The following SLC6A11 variants were observed in gnomAD, a reference collection of about 807,000 sequenced individuals.
The protein encoded by SLC6A11 is solute carrier family 6 member 11, also known as sodium- and chloride-dependent GABA transporter 3.
In SLC6A11, 25 loss-of-function variants were observed where a neutral mutation model predicts 74.8. The ratio of observed to expected loss-of-function variants is 0.33; its 90% CI spans 0.24 to 0.47. The LOEUF (loss-of-function observed/expected upper bound fraction) is 0.47. Among genes scored for constraint, SLC6A11 ranks in the 20% least tolerant of loss-of-function variants. The pLI, the probability that SLC6A11 is intolerant of heterozygous loss-of-function variation, is 1.00. For synonymous variants in SLC6A11, 330 were observed against 330.2 expected, an observed-to-expected ratio of 1.00 and a Z score of 0.01; for missense variants, 574 against 837.0, an observed-to-expected ratio of 0.69 and a Z score of 3.88.
At chr3:10,906,908 A>G (rs1429771847) in intron 6 of SLC6A11, among the ~76,000 whole-genome samples, 1 of 152,232 alleles carries the variant, frequency 6.6e-6, no homozygotes, top group African/African-American at 2.4e-5. Context: ...TCTATCCTGG[A>G]CCACTCTCAT....
chr3:10,848,640 C>G (rs1158481171), intron 5 of SLC6A11, among the ~76,000 whole-genome samples: 1 of 152,096 alleles, frequency 6.6e-6, no homozygotes, highest in Non-Finnish European at 1.5e-5. Flanking sequence ...TGGGAGGTGC[C>G]GGGGATACAC....
At chr3:10,848,605 A>G (rs1694534508) in intron 5 of SLC6A11, among the ~76,000 whole-genome samples, 1 of 152,200 alleles carries the variant, frequency 6.6e-6, no homozygotes, top group Admixed American at 6.5e-5. Context: ...GAAATCAGTG[A>G]ATTCCCCCTG....
At chr3:10,822,436 C>T (rs1326126996) in intron 3 of SLC6A11, among the ~76,000 whole-genome samples, 1 of 152,308 alleles carries the variant, frequency 6.6e-6, no homozygotes, top group Middle Eastern at 3.4e-3. Context: ...ACAGTTCTAT[C>T]CACGCTGGCC....
At chr3:10,819,384 G>A in intron 1 of SLC6A11, 81 bp from the exon 2 acceptor site, 3 of 1,375,364 alleles carry the variant, frequency 2.2e-6, no homozygotes, top group Non-Finnish European at 3.0e-6. Context: ...CTGGCCTGTA[G>A]TAGATGTTTA....
At chr3:10,868,395 G>A (rs767089429) in intron 5 of SLC6A11, among the ~76,000 whole-genome samples, 11 of 152,314 alleles carry the variant, frequency 7.2e-5, no homozygotes, top group African/African-American at 1.4e-4. Context: ...TGTCCTGGGC[G>A]TAGGGGGAAA....
At chr3:10,929,400 C>G (rs965877509) in intron 10 of SLC6A11, 61 bp downstream of exon 10, 1 of 1,582,622 alleles carries the variant, frequency 6.3e-7, no homozygotes, top group East Asian at 2.2e-5. Context: ...ACTCCCAGCT[C>G]TAAAAGTGAC....
At chr3:10,912,471 G>A (rs1002626899) in intron 7 of SLC6A11, among the ~76,000 whole-genome samples, 16 of 152,234 alleles carry the variant, frequency 1.1e-4, no homozygotes, top group South Asian at 4.1e-4. Context: ...TGGTAAAGAC[G>A]TATTCCAGGA....
At chr3:10,856,366 C>T (rs1016558088) in intron 5 of SLC6A11, among the ~76,000 whole-genome samples, 1 of 152,210 alleles carries the variant, frequency 6.6e-6, no homozygotes, top group Non-Finnish European at 1.5e-5. Flanking sequence ...AGACCCAGGT[C>T]CTTCCTGCTG....
At chr3:10,840,023 C>A (rs1212774049) in intron 4 of SLC6A11, among the ~76,000 whole-genome samples, 1 of 152,118 alleles carries the variant, frequency 6.6e-6, no homozygotes, top group African/African-American at 2.4e-5. Flanking sequence ...TCCTCTGCCC[C>A]ACCCTGACCG....
intron 7 of SLC6A11, among the ~76,000 whole-genome samples, chr3:10,913,478 A>G (rs1039379684): frequency 6.6e-6 from 1 of 152,186 alleles, no homozygotes; most frequent in Non-Finnish European, 1.5e-5. Flanking sequence ...CTTTTGTTTA[A>G]CTTTGAGTAC....
intron 3 of SLC6A11, among the ~76,000 whole-genome samples, chr3:10,820,099 C>T (rs891539954): frequency 6.6e-6 from 1 of 152,166 alleles, no homozygotes; most frequent in Non-Finnish European, 1.5e-5. Flanking sequence ...ATGTTCTGTC[C>T]TCTGTTTGTC....
At chr3:10,870,171 A>G (rs924291880) in intron 5 of SLC6A11, among the ~76,000 whole-genome samples, 2 of 152,134 alleles carry the variant, frequency 1.3e-5, no homozygotes, top group African/African-American at 4.8e-5. Flanking sequence ...GAGACCCTGG[A>G]AGCACCTTCC....
At chr3:10,852,613 G>A (rs1468387962) in intron 5 of SLC6A11, among the ~76,000 whole-genome samples, 2 of 152,220 alleles carry the variant, frequency 1.3e-5, no homozygotes, top group African/African-American at 2.4e-5. Context: ...TCCCAGTGGC[G>A]GGGGCTGGCA....
intron 10 of SLC6A11, among the ~76,000 whole-genome samples, chr3:10,931,045 A>C (rs568420223): frequency 1.3e-5 from 2 of 152,312 alleles, no homozygotes; most frequent in South Asian, 4.1e-4. Context: ...ATACACATTT[A>C]AACTCAGCTC....
At chr3:10,831,088 C>T (rs551939659) in intron 4 of SLC6A11, among the ~76,000 whole-genome samples, 2 of 152,186 alleles carry the variant, frequency 1.3e-5, no homozygotes, top group Non-Finnish European at 2.9e-5. Flanking sequence ...CCACAGCCTC[C>T]CACTTGCTGT....
intron 11 of SLC6A11, among the ~76,000 whole-genome samples, chr3:10,933,645 G>A (rs1167201017): frequency 1.3e-5 from 2 of 152,192 alleles, no homozygotes; most frequent in African/African-American, 4.8e-5. Flanking sequence ...ACAGGTGGGT[G>A]AGGGTTGCTG....
At chr3:10,927,987 A>C (rs1337539586) in intron 9 of SLC6A11, among the ~76,000 whole-genome samples, 1 of 152,146 alleles carries the variant, frequency 6.6e-6, no homozygotes, top group Non-Finnish European at 1.5e-5. Flanking sequence ...ACCTCGTTCA[A>C]ATCCAGGCTT....
At chr3:10,912,904 G>A (rs1695406831) in intron 7 of SLC6A11, among the ~76,000 whole-genome samples, 1 of 152,076 alleles carries the variant, frequency 6.6e-6, no homozygotes, top group Admixed American at 6.6e-5. Context: ...CTCAGTGCCT[G>A]GTACGCAATA....
At chr3:10,906,067 A>G (rs1695298595) in intron 6 of SLC6A11, among the ~76,000 whole-genome samples, 1 of 152,072 alleles carries the variant, frequency 6.6e-6, no homozygotes, top group Non-Finnish European at 1.5e-5. Context: ...CCCTTCTCCA[A>G]ATTAATACCC....
Sources: allele counts gnomAD v4.1 joint callset (sites outside exome capture counted in the v4.1 genomes callset), GRCh38; gene constraint gnomAD v4.1.1; transcripts MANE v1.5; gene names NCBI Gene and HGNC (gene_info 2026-07-23, HGNC 2026-07-21).